Variants in RP1L1 observed in about 807,000 individuals in gnomAD.
RP1L1 encodes retinitis pigmentosa 1-like 1 protein.
A neutral mutation model predicts 15.7 loss-of-function variants in RP1L1; 27 were observed. The observed-to-expected ratio is 1.72, with a 90% confidence interval of 1.27 to 2.38. RP1L1 has a LOEUF of 2.38. Ranked by LOEUF, RP1L1 falls within the 30% of genes most tolerant of loss-of-function variation. The pLI is 0.00. For missense variants in RP1L1, 4,798 were observed against 3,075.9 expected, an observed-to-expected ratio of 1.56 and a Z score of -13.24; for synonymous variants, 1,813 against 1,276.7, an observed-to-expected ratio of 1.42 and a Z score of -8.96.
intron 1 of RP1L1, among the ~76,000 whole-genome samples, chr8:10,630,012 G>T (rs1798216479): frequency 6.6e-6 from 1 of 152,218 alleles, no homozygotes; most frequent in Non-Finnish European, 1.5e-5. Context: ...CCTTTAACAT[G>T]CCTTGCTGAG....
intron 2 of RP1L1, among the ~76,000 whole-genome samples, chr8:10,618,768 G>A (rs1279799022): frequency 2.0e-5 from 3 of 152,114 alleles, no homozygotes; most frequent in Non-Finnish European, 2.9e-5. Context: ...TGAATGCTAT[G>A]CCCCATACCA....
Position 10,611,777 on chromosome 8 carries a change from G to A in RP1L1, c.2321C>T (p.Ala774Val), listed in dbSNP as rs572249700. The change falls in exon 4 of 4, where the codon GCC becomes GTC. Residue 774 changes from alanine to valine, a missense_variant. Coordinates refer to ENST00000382483, the MANE Select transcript of RP1L1 (RefSeq NM_178857.6). ...GDAGSRTCSP[A>V]PIPPHTSDSC... is the part of the protein sequence containing the mutation. ...GTCGGATGTGTGGGGAGGTATGGGG[G>A]CCGGCGAGCATGTCCTGGACCCCGC... 1.1e-4 allele frequency: 179 copies of A among 1,613,668 alleles called. 2 individuals carry two copies. In the South Asian group the frequency reaches 1.8e-3, roughly 16 times the overall value.
intron 1 of RP1L1, among the ~76,000 whole-genome samples, chr8:10,645,161 T>C (rs1798458446): frequency 6.6e-6 from 1 of 151,978 alleles, no homozygotes; most frequent in Non-Finnish European, 1.5e-5. Context: ...ATCCCATCTC[T>C]ACAAAAAATA....
intron 1 of RP1L1, among the ~76,000 whole-genome samples, chr8:10,654,458 T>G (rs115023014): frequency 0.012 from 1,866 of 150,704 alleles, 27 homozygotes; most frequent in African/African-American, 0.044. Context: ...ATTGGACACC[T>G]CCCCAGAATC....
At chr8:10,622,350 A>G (rs1443726923) in intron 2 of RP1L1, among the ~76,000 whole-genome samples, 1 of 151,976 alleles carries the variant, frequency 6.6e-6, no homozygotes, top group South Asian at 2.1e-4. Flanking sequence ...AAAAAAAAAA[A>G]AAGAGTACAC....
intron 1 of RP1L1, among the ~76,000 whole-genome samples, chr8:10,646,484 G>A (rs1798480082): frequency 6.6e-6 from 1 of 152,152 alleles, no homozygotes; most frequent in South Asian, 2.1e-4. Context: ...GCCCACGAGA[G>A]GATGGAGCCA....
intron 2 of RP1L1, among the ~76,000 whole-genome samples, chr8:10,619,250 C>T (rs1394748212): frequency 6.6e-6 from 1 of 152,202 alleles, no homozygotes; most frequent in Admixed American, 6.5e-5. Context: ...AAATAAGTCC[C>T]ACTAATAAGA....
At chr8:10,628,613 G>A (rs549649844) in intron 1 of RP1L1, among the ~76,000 whole-genome samples, 10 of 152,106 alleles carry the variant, frequency 6.6e-5, no homozygotes, top group Non-Finnish European at 8.8e-5. Context: ...ATGGAGCCCC[G>A]GTGGTATGAC....
chr8:10,609,086 G>A lies in RP1L1; in HGVS notation c.5012C>T (p.Ser1671Phe), dbSNP rs1056208866. ...GGTTGCCCCCATTGTGGCCTTGGGG[G>A]ACATAGGGCTCACTTTCTTCCTCAC... Reference protein sequence around the residue: ...ACVRKKVSPMSPKATMGATRG... With the variant: ...ACVRKKVSPMFPKATMGATRG... Residue 1671 changes from serine (S) to phenylalanine (F), a missense_variant, in exon 4 of 4, where the codon TCC becomes TTC. Physicochemically the swap from Ser to Phe is radical, Grantham distance 155. Transcript: ENST00000382483. The A allele has an allele frequency of 1.9e-6, 3 of 1,613,764 alleles. No individual in the cohort carries two copies. The highest frequency in any genetic ancestry group is 2.5e-6 in the Non-Finnish European group (3 of 1,179,726).
chr8:10,630,895 AGAAATTGGATGAGACTTCCCAG>A (rs1166049345), intron 1 of RP1L1, among the ~76,000 whole-genome samples: 1 of 152,138 alleles, frequency 6.6e-6, no homozygotes, highest in Non-Finnish European at 1.5e-5. Context: ...TCGCAGCGGG[AGAAATTGGATGAGACTTCCCAG>A]CTGGGCTTGT....
At chr8:10,636,852 CTGGGAAGCTG>C (rs1354092935) in intron 1 of RP1L1, among the ~76,000 whole-genome samples, 1 of 152,202 alleles carries the variant, frequency 6.6e-6, no homozygotes, top group East Asian at 1.9e-4. Context: ...TTCGGATGCC[CTGGGAAGCTG>C]CAGGTCACCT....
chr8:10,616,056 C>T (rs187938887), intron 3 of RP1L1, among the ~76,000 whole-genome samples: 187 of 152,250 alleles, frequency 1.2e-3, no homozygotes, highest in Middle Eastern at 3.4e-3. Flanking sequence ...AGGCATGTGC[C>T]ATTATGCCTG....
Position 10,610,992 on chromosome 8 carries a change from G to A in RP1L1, c.3106C>T (p.Pro1036Ser), listed in dbSNP as rs759532979. Residue 1036 changes from proline to serine, a missense_variant, in exon 4 of 4, where the codon CCC (proline) becomes TCC (serine). Transcript: ENST00000382483. The part of the protein sequence containing the change: ...GALLGSSDTG[P>S]QSGEGVPQGA... ...TGGGGGACACCCTCTCCTGATTGGG[G>A]ACCAGTGTCACTACTCCCCAGGAGG... 3.1e-6 allele frequency: 5 copies of A among 1,612,634 alleles called. No individual in the cohort carries two copies. Among genetic ancestry groups the A allele is most frequent in the Non-Finnish European group, 4.2e-6 (5 of 1,179,930 alleles).
Position 10,608,711 on chromosome 8 carries a change from C to G in RP1L1, c.5387G>C (p.Gly1796Ala). 1 of 1,614,234 alleles carries G rather than the reference C, an allele frequency of 6.2e-7. No individual in the cohort carries two copies. Among genetic ancestry groups the G allele is most frequent in the Non-Finnish European group, 8.5e-7 (1 of 1,180,052 alleles). Residue 1796 changes from glycine (G) to alanine (A), a missense_variant, in exon 4 of 4, where the codon GGC becomes GCC. Gly to Ala is a moderately conservative substitution (Grantham distance 60, BLOSUM62 0). Coordinates refer to ENST00000382483, the MANE Select transcript of RP1L1 (RefSeq NM_178857.6). ...CCCAGTTTCTCCCCTTTCACTTATGCCCTCTCCCTCCTGCTCAGCTTCCCC... is the reference window on the plus strand; with the variant it reads ...CCCAGTTTCTCCCCTTTCACTTATGGCCTCTCCCTCCTGCTCAGCTTCCCC... ...ELGEAEQEGEGISERGETGGQ... is the reference protein window; with the variant it reads ...ELGEAEQEGEAISERGETGGQ...
intron 1 of RP1L1, among the ~76,000 whole-genome samples, chr8:10,626,709 T>TG (rs1798164684): frequency 6.6e-6 from 1 of 152,214 alleles, no homozygotes; most frequent in Non-Finnish European, 1.5e-5. Flanking sequence ...TTCAGGTATA[T>TG]TAACACATGG....
chr8:10,607,624 C>T lies in RP1L1; in HGVS notation c.6474G>A (p.Gln2158=), dbSNP rs1163483422. The change falls in exon 4 of 4, where the codon CAG becomes CAA. Residue 2158 remains glutamine (Q), a synonymous_variant. Transcript: ENST00000382483. ...GGGCCTCTATACCTTCTGACTCTGG[C>T]TGGGCCTCCCCTTCTGCATCCTGGG... is the stretch of plus-strand genomic sequence containing the variant. The part of the protein sequence containing the change: ...VEAQDAEGEA[Q]PESEGIEAQE... The T allele has an allele frequency of 1.3e-6, 2 of 1,588,422 alleles. No individual in the cohort carries two copies. Among genetic ancestry groups the T allele is most frequent in the Non-Finnish European group, 8.6e-7 (1 of 1,164,660 alleles).
intron 1 of RP1L1, among the ~76,000 whole-genome samples, chr8:10,636,600 G>T (rs376653149): frequency 6.6e-6 from 1 of 152,088 alleles, no homozygotes; most frequent in Non-Finnish European, 1.5e-5. Flanking sequence ...GATGAAAGGC[G>T]TGGGGGCAAC....
At chr8:10,640,386 G>A (rs6997683) in intron 1 of RP1L1, among the ~76,000 whole-genome samples, 39,059 of 152,128 alleles carry the variant, frequency 0.26, 5,331 homozygotes, top group African/African-American at 0.3. Context: ...GTGGCTAGGC[G>A]TGATGGCTCA....
In RP1L1 at chr8:10,611,253, G is replaced by C. The variant is rs754126350; in HGVS notation, c.2845C>G (p.Pro949Ala). 4.3e-6 allele frequency: 7 copies of C among 1,612,980 alleles called. No individual in the cohort carries two copies. The highest frequency in any genetic ancestry group is 5.1e-6 in the Non-Finnish European group (6 of 1,180,020). ...ACCACAGCCTCTGGAGACGAGCGGGGCAGAGAGCTGGGTGACACACCACTG... is the reference window on the plus strand; with the variant it reads ...ACCACAGCCTCTGGAGACGAGCGGGCCAGAGAGCTGGGTGACACACCACTG... ...EASGVSPSSL[P>A]RSSPEAVVRE... The change falls in exon 4 of 4, where the codon CCC (proline) becomes GCC (alanine). Residue 949 changes from proline to alanine, a missense_variant. By Grantham distance (27) the Pro-to-Ala change is conservative (BLOSUM62 -1). Coordinates refer to ENST00000382483, the MANE Select transcript of RP1L1 (RefSeq NM_178857.6).
Sources: gnomAD v4.1 joint callset for allele counts (sites outside exome capture counted in the v4.1 genomes callset) on GRCh38, gnomAD v4.1.1 for gene constraint, MANE v1.5 for transcripts, NCBI Gene and HGNC (gene_info 2026-07-23, HGNC 2026-07-21) for gene names.